The following PLCB4 variants were observed in gnomAD, a reference collection of about 807,000 sequenced individuals.
PLCB4 encodes the protein 1-phosphatidylinositol 4,5-bisphosphate phosphodiesterase beta-4.
In PLCB4, 77 loss-of-function variants were observed where a neutral mutation model predicts 178.8. The observed-to-expected ratio is 0.43, with a 90% CI of 0.36 to 0.52. The LOEUF is 0.52. Among genes scored for constraint, PLCB4 ranks in the 20% least tolerant of loss-of-function variants. The probability of loss-of-function intolerance (pLI) is 0.00; values close to 1 mark genes in which losing one functional copy is unlikely to be tolerated. For synonymous variants in PLCB4, 496 were observed against 490.8 expected (o/e 1.01, Z -0.14); for missense variants, 1,024 against 1,453.4 (o/e 0.70, Z 4.80).
In PLCB4 at chr20:9,405,307, A is replaced by C. The variant is rs1275675152; in HGVS notation, c.1612-6A>C. 6.6e-7 allele frequency: 1 copy of C among 1,523,164 alleles called. No individual in the cohort carries two copies. The highest frequency in any genetic ancestry group is 1.9e-5 in the Admixed American group (1 of 51,414). The allele number at this position is 1,523,164 out of a possible 1,614,324, so 94.4% of individuals were successfully genotyped here. A position where few individuals can be genotyped will look rare whatever the true frequency, so the allele number is the denominator to read the frequency against. ...AGTAAACAAATTATTTCCTTTCTCT[A>C]ATTAGGCTTCAGATGACCTTGAACA... is the stretch of plus-strand genomic sequence containing the variant. On this transcript the variant is annotated splice_region_variant and splice_polypyrimidine_tract_variant and intron_variant, in intron 20 of 39. Coordinates refer to ENST00000378473, the MANE Select transcript of PLCB4 (RefSeq NM_001377142.1).
At chr20:9,258,337 T>G (rs1031064138) in intron 3 of PLCB4, among the ~76,000 whole-genome samples, 2 of 152,092 alleles carry the variant, frequency 1.3e-5, no homozygotes, top group African/African-American at 4.8e-5. Context: ...ACTAAACACA[T>G]TTTCACGATA....
intron 4 of PLCB4, among the ~76,000 whole-genome samples, chr20:9,327,370 G>T (rs971373586): frequency 1.3e-5 from 2 of 150,434 alleles, no homozygotes; most frequent in East Asian, 3.9e-4. Flanking sequence ...TTGCTTGAGC[G>T]CAGGAGTTTG....
rs118089427 is a variant in PLCB4 at position 9,181,684 on chromosome 20, C to T, written c.-78-35706C>T. On this transcript the variant is annotated intron_variant, in intron 2 of 39. Transcript: ENST00000378473. ...TGCTGTAAATCCCATCATACAGGCC[C>T]CATCCTCATGACCTAATCCAACTCT... Among the ~76,000 whole-genome samples, 475 of 152,160 alleles carry T rather than the reference C, an allele frequency of 3.1e-3. 13 individuals are homozygous for T. The East Asian group carries it at 0.059, about 19-fold the overall frequency.
intron 2 of PLCB4, among the ~76,000 whole-genome samples, chr20:9,182,193 C>G (rs1210083276): frequency 2.6e-5 from 4 of 152,106 alleles, no homozygotes; most frequent in African/African-American, 7.2e-5. Flanking sequence ...TCTTCTTTGC[C>G]TTTAAATGTC....
chr20:9,221,591 C>G (rs1029435934), intron 3 of PLCB4, among the ~76,000 whole-genome samples: 1 of 152,162 alleles, frequency 6.6e-6, no homozygotes, highest in African/African-American at 2.4e-5. Context: ...AGGTTAAGCA[C>G]TTTCAGAGGC....
rs552174489 is a variant in PLCB4, at chr20:9,170,757, C to G, written c.-78-46633C>G. ...AACAAGGTCTGGGGTTGATTTGGAT[C>G]TGCCCTGATGTGGGTTCACAGAGTC... is the stretch of plus-strand genomic sequence containing the variant. On this transcript the variant is annotated intron_variant, in intron 2 of 39. Transcript: ENST00000378473. Among the ~76,000 whole-genome samples the G allele has an allele frequency of 7.2e-5, 11 of 152,298 alleles. 1 individual carries two copies. The South Asian group carries it at 2.3e-3, about 32-fold the overall frequency.
intron 7 of PLCB4, among the ~76,000 whole-genome samples, chr20:9,350,182 C>G (rs1471392747): frequency 6.6e-6 from 1 of 151,788 alleles, no homozygotes; most frequent in Non-Finnish European, 1.5e-5. Flanking sequence ...AACTAGACAA[C>G]ATGGAACTAT....
chr20:9,183,205 A>C (rs1004037316), intron 2 of PLCB4, among the ~76,000 whole-genome samples: 27 of 152,122 alleles, frequency 1.8e-4, no homozygotes, highest in African/African-American at 6.5e-4. Context: ...CTATCTCGTG[A>C]AAATGTGCTG....
chr20:9,389,942 T>C lies in PLCB4; in HGVS notation c.1222T>C (p.Phe408Leu). 1 of 1,562,672 alleles carries C rather than the reference T, an allele frequency of 6.4e-7. No individual in the cohort carries two copies. Among genetic ancestry groups the C allele is most frequent in the Non-Finnish European group, 8.8e-7 (1 of 1,135,328 alleles). ...ATCAGAATATCCTGTAATTCTCTCC[T>C]TTGAAAATCACTGCAGGTATAATGA... ...VTSEYPVILS[F>L]ENHCSKYQQY... Residue 408 changes from phenylalanine (F) to leucine (L), a missense_variant, in exon 16 of 40, where the codon TTT (phenylalanine) becomes CTT (leucine). Physicochemically the swap from Phe to Leu is conservative, Grantham distance 22. Coordinates refer to ENST00000378473, the MANE Select transcript of PLCB4 (RefSeq NM_001377142.1).
chr20:9,447,490 A>T (rs1374086342), intron 32 of PLCB4, among the ~76,000 whole-genome samples: 2 of 152,256 alleles, frequency 1.3e-5, no homozygotes, highest in East Asian at 3.9e-4. Flanking sequence ...GATCAAGCAT[A>T]GTTTCTTGTG....
intron 2 of PLCB4, among the ~76,000 whole-genome samples, chr20:9,165,143 T>C (rs2092948314): frequency 1.3e-5 from 2 of 152,208 alleles, no homozygotes; most frequent in African/African-American, 4.8e-5. Context: ...TACAGGCACG[T>C]GCCCGCTATA....
chr20:9,206,934 T>C (rs2093621765), intron 2 of PLCB4, among the ~76,000 whole-genome samples: 1 of 152,146 alleles, frequency 6.6e-6, no homozygotes, highest in Non-Finnish European at 1.5e-5. Flanking sequence ...TTAGCCAATA[T>C]GGTGAAACCC....
At chr20:9,302,458 A>T (rs913741577) in intron 3 of PLCB4, among the ~76,000 whole-genome samples, 9 of 152,124 alleles carry the variant, frequency 5.9e-5, no homozygotes, top group African/African-American at 2.2e-4. Context: ...AGTGCCCCTG[A>T]TGCCAGGCCC....
At chr20:9,467,533 C>T (rs1603047957) in intron 35 of PLCB4, among the ~76,000 whole-genome samples, 2 of 152,212 alleles carry the variant, frequency 1.3e-5, no homozygotes, top group East Asian at 1.9e-4. Context: ...GTTTCTTCCT[C>T]ATGATCACAA....
At chr20:9,333,834 A>G (rs1038584855) in intron 4 of PLCB4, among the ~76,000 whole-genome samples, 12 of 152,232 alleles carry the variant, frequency 7.9e-5, no homozygotes, top group African/African-American at 2.6e-4. Context: ...AAAATTAAGG[A>G]TGACTCTTAG....
chr20:9,347,389 G>A (rs1938360352), intron 7 of PLCB4, among the ~76,000 whole-genome samples: 1 of 152,190 alleles, frequency 6.6e-6, no homozygotes, highest in African/African-American at 2.4e-5. Flanking sequence ...TGACAAACAT[G>A]TCTGTGGATC....
At chr20:9,194,562 A>G (rs1344314373) in intron 2 of PLCB4, among the ~76,000 whole-genome samples, 1 of 151,644 alleles carries the variant, frequency 6.6e-6, no homozygotes, top group Non-Finnish European at 1.5e-5. Context: ...GTGGCAGGCC[A>G]GGCGCCTGTA....
intron 3 of PLCB4, among the ~76,000 whole-genome samples, chr20:9,287,200 T>G (rs2094543384): frequency 6.6e-6 from 1 of 152,036 alleles, no homozygotes; most frequent in Non-Finnish European, 1.5e-5. Context: ...AATATATGAG[T>G]TAGAAAACTT....
intron 2 of PLCB4, among the ~76,000 whole-genome samples, chr20:9,178,698 C>T (rs551780101): frequency 6.6e-6 from 1 of 151,860 alleles, no homozygotes; most frequent in South Asian, 2.1e-4. Flanking sequence ...TACATTATTT[C>T]ACCCTTAGGG....
Sources: gnomAD v4.1 joint callset for allele counts (sites outside exome capture counted in the v4.1 genomes callset) on GRCh38, gnomAD v4.1.1 for gene constraint, MANE v1.5 for transcripts, NCBI Gene and HGNC (gene_info 2026-07-23, HGNC 2026-07-21) for gene names.